Variants in IFT52 observed in about 807,000 individuals in gnomAD.
IFT52 encodes intraflagellar transport 52.
Under a neutral mutation model 54.4 loss-of-function variants are expected in IFT52, and 44 were observed. The ratio of observed to expected loss-of-function variants is 0.81; its 90% CI spans 0.63 to 1.04. The LOEUF (loss-of-function observed/expected upper bound fraction) is 1.04. Ranked by LOEUF, IFT52 falls within the 50% of genes least tolerant of loss-of-function variation. The probability of loss-of-function intolerance (pLI) is 0.00; values close to 1 mark genes in which losing one functional copy is unlikely to be tolerated. For missense variants in IFT52, 452 were observed against 523.6 expected (o/e 0.86, Z 1.33); for synonymous variants, 181 against 185.3 (o/e 0.98, Z 0.19).
chr20:43,643,145 C>G (rs985540013), intron 13 of IFT52, among the ~76,000 whole-genome samples: 21 of 136,184 alleles, frequency 1.5e-4, no homozygotes, highest in Non-Finnish European at 3.2e-4. Context: ...CCAGCCTGGG[C>G]AACAGTGAGA....
chr20:43,622,243 T>C (rs1984354224), intron 9 of IFT52, among the ~76,000 whole-genome samples: 1 of 152,194 alleles, frequency 6.6e-6, no homozygotes, highest in Non-Finnish European at 1.5e-5. Context: ...GTCTAAAATA[T>C]TTCCTTATGT....
At position 43,631,380 on chromosome 20, in the gene IFT52, AC is replaced by A. The variant is rs148305731; in HGVS notation, c.924-4544del. Among the ~76,000 whole-genome samples the A allele has an allele frequency of 7.7e-3, 1,180 of 152,292 alleles. 16 individuals are homozygous for A. The highest frequency in any genetic ancestry group is 0.026 in the African/African-American group (1,090 of 41,562). On this transcript the variant is annotated intron_variant, in intron 10 of 13. Coordinates refer to ENST00000373030, the MANE Select transcript of IFT52 (RefSeq NM_016004.5). ...GTGCTAGGAAAGATTCTCCCCAAGC[AC>A]CTGGAAATAGTGGAGGAGGTGACAG...
chr20:43,602,029 A>G lies in IFT52; in HGVS notation c.208-1731A>G, dbSNP rs189465763. ...CGATAGTCTAGGGGAAATGACACAA[A>G]TGGACCATCTACCAATAATGATCAA... is the stretch of plus-strand genomic sequence containing the variant. On this transcript the variant is annotated intron_variant, in intron 3 of 13. Transcript: ENST00000373030. 1.5e-3 allele frequency among the ~76,000 whole-genome samples: 228 copies of G among 152,306 alleles called. 1 individual carries two copies. The highest frequency in any genetic ancestry group is 1.1e-3 in the Non-Finnish European group (77 of 68,020).
intron 9 of IFT52, 99 bp downstream of exon 9, chr20:43,621,024 C>A: frequency 1.2e-6 from 1 of 827,730 alleles, no homozygotes; most frequent in South Asian, 1.6e-5. Context: ...TGTCTTAACT[C>A]ATCTGTAAGA....
intron 7 of IFT52, among the ~76,000 whole-genome samples, chr20:43,615,929 C>T (rs933361097): frequency 6.6e-5 from 7 of 106,096 alleles, no homozygotes; most frequent in South Asian, 7.1e-4. Flanking sequence ...AGTGAGACTC[C>T]GTCTCAAAGA....
In IFT52 at chr20:43,630,476, T is replaced by G. The variant is rs141377449; in HGVS notation, c.924-5450T>G. ...GGCTTCTGGTGTCTATATGGTAAGC[T>G]CAGATATTTTCATTTGCTAGTAACA... is the stretch of plus-strand genomic sequence containing the variant. On this transcript the variant is annotated intron_variant, in intron 10 of 13. Transcript: ENST00000373030. Among the ~76,000 whole-genome samples the G allele has an allele frequency of 7.4e-3, 1,122 of 152,334 alleles. 15 individuals carry two copies. Among genetic ancestry groups the G allele is most frequent in the African/African-American group, 0.025 (1,034 of 41,584 alleles).
At chr20:43,633,309 C>CT (rs1985299813) in intron 10 of IFT52, among the ~76,000 whole-genome samples, 1 of 151,996 alleles carries the variant, frequency 6.6e-6, no homozygotes. Context: ...TGCCATTGTC[C>CT]TCCAGCCTGG....
At chr20:43,622,331 G>T (rs1984362534) in intron 9 of IFT52, among the ~76,000 whole-genome samples, 1 of 152,250 alleles carries the variant, frequency 6.6e-6, no homozygotes, top group Non-Finnish European at 1.5e-5. Flanking sequence ...GGGCGCGGTG[G>T]CTCACGCCTG....
intron 7 of IFT52, chr20:43,618,315 A>G (rs1984013399): frequency 6.7e-6 from 1 of 149,740 alleles, no homozygotes; most frequent in African/African-American, 2.5e-5. Flanking sequence ...GGCTCAAGTG[A>G]TTCTCCTGCC....
chr20:43,624,479 G>A (rs1298070101), intron 10 of IFT52, among the ~76,000 whole-genome samples: 1 of 152,092 alleles, frequency 6.6e-6, no homozygotes, highest in African/African-American at 2.4e-5. Flanking sequence ...CTGTGTTCTG[G>A]GCACTCTCAG....
chr20:43,621,743 G>GT (rs1233611828), intron 9 of IFT52, among the ~76,000 whole-genome samples: 13 of 152,314 alleles, frequency 8.5e-5, no homozygotes, highest in Admixed American at 2.0e-4. Flanking sequence ...GATTACAGGC[G>GT]TGAGCCACTG....
intron 10 of IFT52, among the ~76,000 whole-genome samples, chr20:43,629,541 G>A (rs1454316000): frequency 6.6e-6 from 1 of 152,054 alleles, no homozygotes; most frequent in Admixed American, 6.6e-5. Context: ...CAAAGTGCTG[G>A]GATTACAGGC....
At position 43,611,563 on chromosome 20, in the gene IFT52, G is replaced by A. The variant is rs185411918; in HGVS notation, c.486-2287G>A. Among the ~76,000 whole-genome samples the A allele has an allele frequency of 5.9e-4, 85 of 145,022 alleles. 1 individual carries two copies. The highest frequency in any genetic ancestry group is 2.0e-3 in the African/African-American group (80 of 39,354). The stretch of plus-strand genomic sequence containing the variant: ...GGTTCAAGCAATTCTCCTGACTCCC[G>A]AGTAGCTGGGATTACAGGTGCCCGC... On this transcript the variant is annotated intron_variant, in intron 6 of 13. Transcript: ENST00000373030.
intron 6 of IFT52, among the ~76,000 whole-genome samples, chr20:43,610,762 G>A (rs1983380300): frequency 6.6e-6 from 1 of 151,868 alleles, no homozygotes; most frequent in Non-Finnish European, 1.5e-5. Flanking sequence ...AAAAAAAAAG[G>A]AATCAATCTA....
chr20:43,602,472 T>G (rs1293798128), intron 3 of IFT52, among the ~76,000 whole-genome samples: 1 of 151,960 alleles, frequency 6.6e-6, no homozygotes, highest in Non-Finnish European at 1.5e-5. Flanking sequence ...TTAATTTTGA[T>G]TTTGAAATAA....
intron 5 of IFT52, 92 bp from the exon 6 acceptor site, chr20:43,604,910 C>T (rs1461827904): frequency 5.3e-6 from 7 of 1,324,334 alleles, no homozygotes; most frequent in Non-Finnish European, 7.4e-6. Context: ...AGCAATCCTC[C>T]CACCTTAGCC....
chr20:43,600,498 G>A (rs902655713), intron 3 of IFT52, among the ~76,000 whole-genome samples: 9 of 151,928 alleles, frequency 5.9e-5, no homozygotes, highest in Admixed American at 5.9e-4. Context: ...TAGAGATGGG[G>A]TTTCACCGTG....
intron 10 of IFT52, among the ~76,000 whole-genome samples, chr20:43,625,376 G>T (rs1434676324): frequency 6.6e-6 from 1 of 152,106 alleles, no homozygotes; most frequent in Non-Finnish European, 1.5e-5. Flanking sequence ...GGGCACGATG[G>T]TGGGCACCTG....
intron 13 of IFT52, 37 bp from the exon 14 acceptor site, chr20:43,646,899 G>T (rs1335689314): frequency 1.9e-6 from 3 of 1,565,336 alleles, no homozygotes; most frequent in Non-Finnish European, 2.6e-6. Context: ...GCTTTATACT[G>T]AAATACTAAA....
Sources: gnomAD v4.1 joint callset for allele counts (sites outside exome capture counted in the v4.1 genomes callset) on GRCh38, gnomAD v4.1.1 for gene constraint, MANE v1.5 for transcripts, NCBI Gene and HGNC (gene_info 2026-07-23, HGNC 2026-07-21) for gene names.